The following DDOST variants were observed in gnomAD, a reference collection of about 807,000 sequenced individuals.
DDOST encodes the protein dolichyl-diphosphooligosaccharide--protein glycosyltransferase 48 kDa subunit.
Under a neutral mutation model 47.6 loss-of-function variants are expected in DDOST, and 25 were observed. That is an observed-to-expected ratio of 0.53 (90% CI 0.38 to 0.73). The LOEUF (loss-of-function observed/expected upper bound fraction) is 0.73, where lower values mean the gene tolerates loss of function less well. DDOST is among the 30% of genes least tolerant of loss of function. The pLI is 0.00. For missense variants in DDOST, 526 were observed against 573.9 expected, an observed-to-expected ratio of 0.92 and a Z score of 0.85; for synonymous variants, 275 against 236.0, an observed-to-expected ratio of 1.17 and a Z score of -1.51.
In DDOST at chr1:20,652,454, G is replaced by A. The variant is rs1477317499; in HGVS notation, c.1245C>T (p.Ala415=). The part of the protein sequence containing the change: ...IPSAYPYYAS[A]FSMMLGLFIF... ...TGAAGAGCCCCAGCATCATGGAGAA[G>A]GCGCTGGCGTAGTAGGGGTAGGCCG... The change falls in exon 11 of 11, where the codon GCC becomes GCT. Residue 415 remains alanine (A), a synonymous_variant. Coordinates refer to ENST00000602624, the MANE Select transcript of DDOST (RefSeq NM_005216.5). 19 of 1,613,978 alleles carry A rather than the reference G, an allele frequency of 1.2e-5. 2 individuals are homozygous for A. The South Asian group carries it at 2.0e-4, about 17-fold the overall frequency.
intron 2 of DDOST, among the ~76,000 whole-genome samples, chr1:20,658,436 A>G (rs759302774): frequency 8.5e-5 from 13 of 152,246 alleles, no homozygotes; most frequent in Non-Finnish European, 1.6e-4. Flanking sequence ...CTCCCAAGGA[A>G]CGCCTGAGGA....
intron 3 of DDOST, 26 bp downstream of exon 3, chr1:20,656,075 A>C: frequency 6.3e-7 from 1 of 1,593,258 alleles, no homozygotes; most frequent in Non-Finnish European, 8.6e-7. Flanking sequence ...AGTGGAAAGC[A>C]CCAGAACCTC....
chr1:20,652,409 C>A lies in DDOST; in HGVS notation c.1290G>T (p.Leu430Phe). 6.2e-7 allele frequency: 1 copy of A among 1,613,662 alleles called. No individual in the cohort carries two copies. ...CGGACTTCTCCTTCTCCTTCATGTG[C>A]AAGAAGACGATGCTGAAGATGAAGA... ...LGLFIFSIVF[L>F]HMKEKEKSD is the part of the protein sequence containing the mutation. Residue 430 changes from leucine (L) to phenylalanine (F), a missense_variant, in exon 11 of 11, where the codon TTG becomes TTT. Coordinates refer to ENST00000602624, the MANE Select transcript of DDOST (RefSeq NM_005216.5).
intron 2 of DDOST, among the ~76,000 whole-genome samples, chr1:20,659,160 T>G (rs1393225936): frequency 1.0e-5 from 1 of 96,718 alleles, no homozygotes; most frequent in Non-Finnish European, 2.1e-5. Flanking sequence ...ACCTAGCCTT[T>G]TCTTTTTTTT....
At position 20,652,154 on chromosome 1, in the gene DDOST, A is replaced by C. The variant is rs759037798; in HGVS notation, c.*225T>G. 94 of 448,394 alleles carry C rather than the reference A, an allele frequency of 2.1e-4. No individual in the cohort carries two copies. The highest frequency in any genetic ancestry group is 3.3e-4 in the Non-Finnish European group (85 of 254,694). The allele number at this position is 448,394 out of a possible 1,614,324, so 27.8% of individuals were successfully genotyped here. On this transcript the variant is annotated 3_prime_UTR_variant, in exon 11 of 11. Coordinates refer to ENST00000602624, the MANE Select transcript of DDOST (RefSeq NM_005216.5). ...CCCTATTTTAGAAATGAGAGGAGTGACTGCACATAGGAAAAATGCCACTTT... is the reference window on the plus strand; with the variant it reads ...CCCTATTTTAGAAATGAGAGGAGTGCCTGCACATAGGAAAAATGCCACTTT...
chr1:20,659,110 G>A (rs1316549586), intron 2 of DDOST, among the ~76,000 whole-genome samples: 2 of 151,064 alleles, frequency 1.3e-5, no homozygotes, highest in South Asian at 2.1e-4. Flanking sequence ...CTTCTGCCTC[G>A]GCCTCCCAAA....
Position 20,652,657 on chromosome 1 carries a change from G to A in DDOST, c.1134C>T (p.Asn378=). The A allele has an allele frequency of 6.2e-7, 1 of 1,614,194 alleles. No homozygotes were observed. The highest frequency in any genetic ancestry group is 1.1e-5 in the South Asian group (1 of 91,086). Residue 378 remains asparagine (N), a synonymous_variant, in exon 10 of 11, where the codon AAC becomes AAT. Coordinates refer to ENST00000602624, the MANE Select transcript of DDOST (RefSeq NM_005216.5). ...AGTACAGGTGTGTGTAGCCTAGCCG[G>A]TTGTAATCCACTTTAAACTGGAATA... ...YGVFQFKVDY[N]RLGYTHLYSS... is the part of the protein sequence containing the mutation.
At position 20,651,818 on chromosome 1, in the gene DDOST, T is replaced by TTTATTTATTTATTTATTTA. The variant is rs2053290068; in HGVS notation, c.*542_*560dup. 6.6e-6 allele frequency: 1 copy of TTTATTTATTTATTTATTTA among 150,942 alleles called. No homozygotes were observed. The highest frequency in any genetic ancestry group is 1.5e-5 in the Non-Finnish European group (1 of 67,880). 9.4% of individuals were successfully genotyped at this position (150,942 alleles called of 1,614,324 possible). A position where few individuals can be genotyped will look rare whatever the true frequency, so the allele number is the denominator to read the frequency against. On this transcript the variant is annotated 3_prime_UTR_variant, in exon 11 of 11. Transcript: ENST00000602624. ...CGCTTTATTTTTATTTATTTATTTA[T>TTTATTTATTTATTTATTTA]TTATTTATTTATTTATTTATATTTG... is the stretch of plus-strand genomic sequence containing the variant.
chr1:20,655,821 G>A (rs746732719), intron 3 of DDOST, 42 bp from the exon 4 acceptor site: 4 of 1,539,110 alleles, frequency 2.6e-6, no homozygotes, highest in Non-Finnish European at 3.6e-6. Flanking sequence ...CCTTACAGGG[G>A]GGCCTTGGGC....
chr1:20,659,610 A>G (rs1157676937), intron 2 of DDOST, among the ~76,000 whole-genome samples: 2 of 152,194 alleles, frequency 1.3e-5, no homozygotes, highest in Non-Finnish European at 2.9e-5. Flanking sequence ...GAAGATTTCA[A>G]CTTCTACCAA....
In DDOST at chr1:20,652,475, G is replaced by C. The variant is rs771622498; in HGVS notation, c.1224C>G (p.Ala408=). Residue 408 remains alanine (A), a synonymous_variant, in exon 11 of 11, where the codon GCC becomes GCG. Coordinates refer to ENST00000602624, the MANE Select transcript of DDOST (RefSeq NM_005216.5). ...AGAAGGCGCTGGCGTAGTAGGGGTA[G>C]GCCGAGGGGATGAAGCGCTCATACT... is the stretch of plus-strand genomic sequence containing the variant. The part of the protein sequence containing the change: ...HTQYERFIPS[A]YPYYASAFSM... 5.6e-6 allele frequency: 9 copies of C among 1,613,886 alleles called. No homozygotes were observed. Among genetic ancestry groups the C allele is most frequent in the Non-Finnish European group, 6.8e-6 (8 of 1,179,990 alleles).
intron 2 of DDOST, among the ~76,000 whole-genome samples, chr1:20,658,069 C>G (rs966637070): frequency 1.3e-5 from 2 of 152,220 alleles, no homozygotes; most frequent in African/African-American, 4.8e-5. Context: ...CAAGAATGCA[C>G]CTGTTGAGAA....
chr1:20,654,327 G>A lies in DDOST; in HGVS notation c.690C>T (p.Leu230=). The change falls in exon 7 of 11, where the codon CTC becomes CTT. Residue 230 remains leucine, a synonymous_variant. Transcript: ENST00000602624. ...TGACGCGGGCATTGTTCCTGGCCTGGAGCCCAGCAATGAGGAGGGTGTTCT... is the reference window on the plus strand; with the variant it reads ...TGACGCGGGCATTGTTCCTGGCCTGAAGCCCAGCAATGAGGAGGGTGTTCT... ...VGKNTLLIAG[L]QARNNARVIF... The A allele has an allele frequency of 6.4e-7, 1 of 1,557,258 alleles. No individual in the cohort carries two copies. Among genetic ancestry groups the A allele is most frequent in the Non-Finnish European group, 8.7e-7 (1 of 1,149,612 alleles).
At chr1:20,661,129 G>T in intron 1 of DDOST, 68 bp downstream of exon 1, 1 of 1,544,122 alleles carries the variant, frequency 6.5e-7, no homozygotes. Flanking sequence ...GAAGGAGAGT[G>T]GTCAATGCCC....
In DDOST at chr1:20,661,270, T is replaced by A; in HGVS notation, c.81A>T (p.Gly27=). The part of the protein sequence containing the change: ...LPLLGAVCAS[G]PRTLVLLDNL... ...TGTCCAGCAGCACTAAGGTGCGGGG[T>A]CCGCTGGCGCAAACCGCGCCAAGCA... is the stretch of plus-strand genomic sequence containing the variant. Residue 27 remains glycine (G), a synonymous_variant, in exon 1 of 11, where the codon GGA becomes GGT. Coordinates refer to ENST00000602624, the MANE Select transcript of DDOST (RefSeq NM_005216.5). The A allele has an allele frequency of 6.2e-7, 1 of 1,613,870 alleles. No individual in the cohort carries two copies. The highest frequency in any genetic ancestry group is 8.5e-7 in the Non-Finnish European group (1 of 1,179,986).
chr1:20,655,727 C>T lies in DDOST; in HGVS notation c.405G>A (p.Glu135=). Residue 135 remains glutamate, a synonymous_variant, in exon 4 of 11, where the codon GAG becomes GAA. Coordinates refer to ENST00000602624, the MANE Select transcript of DDOST (RefSeq NM_005216.5). The part of the protein sequence containing the change: ...GSECGIEFDE[E]KTAVIDHHNY... ...TGTGATGGTCAATGACAGCCGTTTT[C>T]TCCTCGTCAAACTCAATCCCGCACT... is the stretch of plus-strand genomic sequence containing the variant. 1.2e-6 allele frequency: 2 copies of T among 1,614,178 alleles called. No homozygotes were observed. Among genetic ancestry groups the T allele is most frequent in the Non-Finnish European group, 8.5e-7 (1 of 1,180,028 alleles).
chr1:20,653,968 G>A (rs1435066748), intron 7 of DDOST, among the ~76,000 whole-genome samples, 194 bp from the exon 8 acceptor site: 4 of 152,166 alleles, frequency 2.6e-5, no homozygotes, highest in African/African-American at 7.2e-5. Context: ...CTTGTCATCT[G>A]CACAACAAAT....
rs765989677 is a variant in DDOST, at chr1:20,653,719, T to C, written c.850A>G (p.Lys284Glu). 30 of 1,613,994 alleles carry C rather than the reference T, an allele frequency of 1.9e-5. No individual in the cohort carries two copies. The highest frequency in any genetic ancestry group is 4.0e-5 in the African/African-American group (3 of 74,928). Residue 284 changes from lysine to glutamate, a missense_variant, in exon 8 of 11, where the codon AAG becomes GAG. Coordinates refer to ENST00000602624, the MANE Select transcript of DDOST (RefSeq NM_005216.5). Reference protein sequence around the residue: ...LAVALSRWVFKEEGVLRVGPV... With the variant: ...LAVALSRWVFEEEGVLRVGPV... ...CCCACACGGAGGACACCCTCCTCCT[T>C]GAACACCCAGCGGGAGAGGGCCACA...
intron 7 of DDOST, 151 bp downstream of exon 7, chr1:20,654,072 G>T: frequency 1.0e-6 from 1 of 977,756 alleles, no homozygotes; most frequent in Non-Finnish European, 1.5e-6. Flanking sequence ...CAGCAATATA[G>T]CAATAAAGCC....
Sources: allele counts gnomAD v4.1 joint callset (sites outside exome capture counted in the v4.1 genomes callset), GRCh38; gene constraint gnomAD v4.1.1; transcripts MANE v1.5; gene names NCBI Gene and HGNC (gene_info 2026-07-23, HGNC 2026-07-21).